WTAP: variants seen among roughly 807,000 people sequenced by gnomAD.
WTAP encodes WT1 associated protein, also known as pre-mRNA-splicing regulator WTAP.
WTAP carries 8 observed loss-of-function variants against 50.0 expected under a neutral mutation model. The ratio of observed to expected loss-of-function variants is 0.16; its 90% CI spans 0.09 to 0.29. The LOEUF (loss-of-function observed/expected upper bound fraction) is 0.29. Ranked by LOEUF, WTAP falls within the 10% of genes least tolerant of loss-of-function variation. WTAP has a pLI of 1.00. For synonymous variants in WTAP, 194 were observed against 169.0 expected (o/e 1.15, Z -1.15); for missense variants, 295 against 470.7 (o/e 0.63, Z 3.45).
intron 2 of WTAP, chr6:159,736,773 C>A (rs956096210): frequency 6.5e-6 from 1 of 153,700 alleles, no homozygotes; most frequent in East Asian, 1.9e-4. Context: ...GTTGTCTAGT[C>A]TCAAATCTCC....
rs982597071 is a variant in WTAP at position 159,755,185 on chromosome 6, A to T, written c.765A>T (p.Thr255=). The T allele has an allele frequency of 1.9e-6, 3 of 1,614,084 alleles. No homozygotes were observed. Among genetic ancestry groups the T allele is most frequent in the Non-Finnish European group, 2.5e-6 (3 of 1,180,022 alleles). ...QASAPSTSRT[T]ASEPVEQSEA... The stretch of plus-strand genomic sequence containing the variant: ...CTGCCCCAAGTACCAGCAGGACTAC[A>T]GCTTCTGAACCTGTAGAACAGTCAG... Residue 255 remains threonine (T), a synonymous_variant, in exon 8 of 8, where the codon ACA becomes ACT. Transcript: ENST00000621533.
intron 1 of WTAP, among the ~76,000 whole-genome samples, chr6:159,729,382 CAG>C (rs1659253886): frequency 6.6e-6 from 1 of 152,180 alleles, no homozygotes; most frequent in African/African-American, 2.4e-5. Flanking sequence ...AAGCTTAACA[CAG>C]AAAAACTTTT....
intron 6 of WTAP, among the ~76,000 whole-genome samples, chr6:159,751,577 G>T (rs1779822750): frequency 6.6e-6 from 1 of 152,182 alleles, no homozygotes; most frequent in Non-Finnish European, 1.5e-5. Flanking sequence ...GTGGAAATCT[G>T]GAGCTACAGT....
chr6:159,735,890 C>T (rs537577506), intron 1 of WTAP, among the ~76,000 whole-genome samples: 1 of 152,076 alleles, frequency 6.6e-6, no homozygotes, highest in Non-Finnish European at 1.5e-5. Context: ...CTTTTATAGT[C>T]CCTTAGCAAC....
chr6:159,753,095 G>A (rs981369385), intron 6 of WTAP, among the ~76,000 whole-genome samples: 5 of 152,158 alleles, frequency 3.3e-5, no homozygotes, highest in African/African-American at 4.8e-5. Context: ...CTGATAAAGC[G>A]CTAGATTCCT....
chr6:159,738,942 T>C, intron 2 of WTAP, 48 bp from the exon 3 acceptor site: 1 of 1,432,470 alleles, frequency 7.0e-7, no homozygotes, highest in South Asian at 1.2e-5. Context: ...TATAGAACTT[T>C]GTGTCTTCAG....
intron 3 of WTAP, among the ~76,000 whole-genome samples, chr6:159,739,269 G>A (rs1029390828): frequency 6.6e-6 from 1 of 152,086 alleles, no homozygotes; most frequent in Non-Finnish European, 1.5e-5. Flanking sequence ...CAAATATATG[G>A]CTTGTTTTGT....
rs1583102352 is a variant in WTAP at position 159,748,521 on chromosome 6, G to A, written c.452+152G>A. 7.0e-7 allele frequency: 1 copy of A among 1,423,500 alleles called. No individual in the cohort carries two copies. 88.2% of individuals were successfully genotyped at this position (1,423,500 alleles called of 1,614,324 possible). The stretch of plus-strand genomic sequence containing the variant: ...TTCTTACACTGTCCAGCTTGTAATG[G>A]TTAATGTAAAACTTACCAGATGAAC... On this transcript the variant is annotated intron_variant, in intron 6 of 7. Coordinates refer to ENST00000621533, the MANE Select transcript of WTAP (RefSeq NM_001270531.2). This position sits in a 1 kb window ranked among gnomAD's most constrained non-coding sequence, Gnocchi z 5.6.
rs764445768 is a variant in WTAP at position 159,753,416 on chromosome 6, G to A, written c.453-44G>A. On this transcript the variant is annotated intron_variant, in intron 6 of 7. Coordinates refer to ENST00000621533, the MANE Select transcript of WTAP (RefSeq NM_001270531.2). ...TGTAATAATTGTAAGCAAAGACAGA[G>A]AGTTTTGTCTTCATTTTGTGATGGA... The A allele has an allele frequency of 1.9e-6, 3 of 1,613,370 alleles. No homozygotes were observed. In the South Asian group the frequency reaches 3.3e-5, roughly 18 times the overall value.
chr6:159,749,258 C>A, intron 6 of WTAP: 1 of 985,772 alleles, frequency 1.0e-6, no homozygotes, highest in South Asian at 4.7e-5. Context: ...ATGAGACTCA[C>A]TGCATTATTT....
intron 6 of WTAP, among the ~76,000 whole-genome samples, chr6:159,750,911 T>C (rs992162049): frequency 6.6e-6 from 1 of 152,260 alleles, no homozygotes; most frequent in African/African-American, 2.4e-5. Flanking sequence ...CACGCACGTG[T>C]GTGTCTTCGC....
At chr6:159,731,902 C>T (rs1778594297) in intron 1 of WTAP, among the ~76,000 whole-genome samples, 2 of 152,120 alleles carry the variant, frequency 1.3e-5, no homozygotes, top group African/African-American at 4.8e-5. Flanking sequence ...AACAGATTAT[C>T]ATCTCATTTT....
intron 3 of WTAP, among the ~76,000 whole-genome samples, chr6:159,739,433 T>C (rs1779109568): frequency 6.6e-6 from 1 of 152,216 alleles, no homozygotes; most frequent in African/African-American, 2.4e-5. Flanking sequence ...TTCATACTCT[T>C]CATTTTCTCA....
chr6:159,738,336 G>A (rs541314794), intron 2 of WTAP, among the ~76,000 whole-genome samples: 15 of 152,282 alleles, frequency 9.9e-5, no homozygotes, highest in African/African-American at 3.6e-4. Context: ...CATGTAGTAT[G>A]CATCTTTTTG....
In WTAP at chr6:159,753,556, T is replaced by C. The variant is rs1286596812; in HGVS notation, c.549T>C (p.Leu183=). ...TGTCCCAGGGACGTATTGCACAACTTGAAGCAGAGTTGGCTTTACAGAAGA... is the reference window on the plus strand; with the variant it reads ...TGTCCCAGGGACGTATTGCACAACTCGAAGCAGAGTTGGCTTTACAGAAGA... ...RQLSQGRIAQ[L]EAELALQKKY... The change falls in exon 7 of 8, where the codon CTT becomes CTC. Residue 183 remains leucine, a synonymous_variant. Transcript: ENST00000621533. 1.2e-6 allele frequency: 2 copies of C among 1,614,150 alleles called. No individual in the cohort carries two copies. The highest frequency in any genetic ancestry group is 1.7e-6 in the Non-Finnish European group (2 of 1,180,016).
rs1489247488 is a variant in WTAP, at chr6:159,755,540, C to T, written c.1120C>T (p.Arg374Ter). The T allele has an allele frequency of 6.2e-7, 1 of 1,614,094 alleles. No homozygotes were observed. Among genetic ancestry groups the T allele is most frequent in the Non-Finnish European group, 8.5e-7 (1 of 1,180,022 alleles). The stretch of plus-strand genomic sequence containing the variant: ...GAAAGCAGTGAGTGGGAAAGGTAAT[C>T]GAACTGTGGGTTCCCGCCACGTTCA... ...EEKAVSGKGN[R>*]TVGSRHVQNG... Residue 374 changes from arginine to a stop codon, truncating the protein, a stop_gained, in exon 8 of 8, where the codon CGA (arginine) becomes TGA (stop). Coordinates refer to ENST00000621533, the MANE Select transcript of WTAP (RefSeq NM_001270531.2). LOFTEE classifies it high-confidence loss of function.
chr6:159,749,132 A>G (rs11962969), intron 6 of WTAP: 50 of 986,040 alleles, frequency 5.1e-5, no homozygotes, highest in Non-Finnish European at 5.7e-5. Flanking sequence ...AACTGTAGAT[A>G]ATCTTACTGA....
rs190649719 is a variant in WTAP at position 159,746,109 on chromosome 6, A to G, written c.274-2082A>G. Among the ~76,000 whole-genome samples the G allele has an allele frequency of 3.1e-3, 474 of 152,344 alleles. 3 individuals are homozygous for G. The highest frequency in any genetic ancestry group is 5.6e-3 in the Non-Finnish European group (382 of 68,026). ...AAGTGATTAAAACAAAGGCATACATAAAGTTCTGTACAATACGAATTTAAA... is the reference window on the plus strand; with the variant it reads ...AAGTGATTAAAACAAAGGCATACATGAAGTTCTGTACAATACGAATTTAAA... On this transcript the variant is annotated intron_variant, in intron 5 of 7. Coordinates refer to ENST00000621533, the MANE Select transcript of WTAP (RefSeq NM_001270531.2).
chr6:159,740,180 C>CT (rs922972298), intron 3 of WTAP, among the ~76,000 whole-genome samples: 3 of 151,758 alleles, frequency 2.0e-5, no homozygotes, highest in African/African-American at 7.3e-5. Context: ...GCATTGTATA[C>CT]TTTTTTTAAT....
Sources: gnomAD v4.1 joint callset for allele counts (sites outside exome capture counted in the v4.1 genomes callset) on GRCh38, gnomAD v4.1.1 for gene constraint, Gnocchi (gnomAD v3.1) non-coding constraint, MANE v1.5 for transcripts, NCBI Gene and HGNC (gene_info 2026-07-23, HGNC 2026-07-21) for gene names.